The following SYNE2 variants were observed in gnomAD, a reference collection of about 807,000 sequenced individuals.
SYNE2 encodes nesprin-2.
A neutral mutation model predicts 856.3 loss-of-function variants in SYNE2; 431 were observed. That is an observed-to-expected ratio of 0.50 (90% CI 0.47 to 0.55). The LOEUF is 0.55. Among genes scored for constraint, SYNE2 ranks in the 20% least tolerant of loss-of-function variants. The pLI is 0.00. For missense variants in SYNE2, 8,129 were observed against 8,023.2 expected, an observed-to-expected ratio of 1.01 and a Z score of -0.50; for synonymous variants, 2,923 against 2,872.3, an observed-to-expected ratio of 1.02 and a Z score of -0.56.
At chr14:64,031,896 TCA>T (rs2097039277) in intron 45 of SYNE2, among the ~76,000 whole-genome samples, 1 of 152,230 alleles carries the variant, frequency 6.6e-6, no homozygotes, top group African/African-American at 2.4e-5. Context: ...CTGTGAACAA[TCA>T]CATGAGTACA....
rs1369309094 is a variant in SYNE2 at position 63,986,632 on chromosome 14, G to C, written c.2313+15G>C. ...AATCTTTGAAGGTATGTGTGTAAAA[G>C]TATTAAGAGGGTACTTTCATGGTTG... On this transcript the variant is annotated intron_variant, in intron 19 of 115. Coordinates refer to ENST00000555002, the MANE Select transcript of SYNE2 (RefSeq NM_182914.3). The C allele has an allele frequency of 6.2e-7, 1 of 1,613,214 alleles. No homozygotes were observed.
At chr14:63,908,541 C>A (rs757482203) in intron 1 of SYNE2, among the ~76,000 whole-genome samples, 18 of 152,070 alleles carry the variant, frequency 1.2e-4, no homozygotes, top group Non-Finnish European at 2.1e-4. Context: ...AAAAAATAAG[C>A]CTTTGGGAAA....
At chr14:63,800,863 G>C (rs1485945400) in intron 1 of SYNE2, among the ~76,000 whole-genome samples, 1 of 151,996 alleles carries the variant, frequency 6.6e-6, no homozygotes, top group Non-Finnish European at 1.5e-5. Flanking sequence ...TTGGGTACTG[G>C]GCTTAATACC....
chr14:64,153,576 C>G (rs1197479898), intron 85 of SYNE2, among the ~76,000 whole-genome samples: 1 of 152,120 alleles, frequency 6.6e-6, no homozygotes, highest in Admixed American at 6.5e-5. Flanking sequence ...CCTCATTCCC[C>G]CAGGAATGTA....
At position 64,170,348 on chromosome 14, in the gene SYNE2, T is replaced by C. The variant is rs976745544; in HGVS notation, c.17121T>C (p.Thr5707=). Residue 5707 remains threonine (T), a synonymous_variant, in exon 94 of 116, where the codon ACT becomes ACC. Transcript: ENST00000555002. Reference sequence around the variant, plus strand: ...TGAGGCAGTGGCAAGATTTCACTACTTCTGTGGAGAACTTGTTTCGCTTCC... The same window carrying C: ...TGAGGCAGTGGCAAGATTTCACTACCTCTGTGGAGAACTTGTTTCGCTTCC... ...GLVRQWQDFT[T]SVENLFRFLT... is the part of the protein sequence containing the mutation. The C allele has an allele frequency of 2.5e-6, 4 of 1,614,174 alleles. No homozygotes were observed. The highest frequency in any genetic ancestry group is 3.4e-6 in the Non-Finnish European group (4 of 1,180,026).
intron 1 of SYNE2, among the ~76,000 whole-genome samples, chr14:63,908,780 T>C (rs1255291705): frequency 6.6e-6 from 1 of 152,214 alleles, no homozygotes; most frequent in Non-Finnish European, 1.5e-5. Context: ...TGTGTCAACT[T>C]TCCTTCCTCT....
chr14:64,164,087 C>CTTATTTATTTATTTAT (rs59794233), intron 89 of SYNE2, among the ~76,000 whole-genome samples: 194 of 137,836 alleles, frequency 1.4e-3, no homozygotes, highest in South Asian at 3.9e-3. Flanking sequence ...GCCTGGCTTG[C>CTTATTTATTTATTTAT]TTATTTATTT....
At chr14:63,807,093 G>T (rs1393620631) in intron 1 of SYNE2, among the ~76,000 whole-genome samples, 1 of 152,012 alleles carries the variant, frequency 6.6e-6, no homozygotes, top group Non-Finnish European at 1.5e-5. Context: ...GGAGTCCAAG[G>T]TGGGCAATTG....
At position 64,132,306 on chromosome 14, in the gene SYNE2, A is replaced by G. The variant is rs751609864; in HGVS notation, c.14382A>G (p.Gln4794=). ...TTGTTGCTGACATGTTGTTGATCCA[A>G]GCATACTCTGCCAAAATACTTCCTT... is the stretch of plus-strand genomic sequence containing the variant. ...QKLVADMLLI[Q]AYSAKILPSL... Residue 4794 remains glutamine (Q), a synonymous_variant, in exon 77 of 116, where the codon CAA becomes CAG. Transcript: ENST00000555002. 2 of 1,614,080 alleles carry G rather than the reference A, an allele frequency of 1.2e-6. No individual in the cohort carries two copies. Among genetic ancestry groups the G allele is most frequent in the East Asian group, 2.2e-5 (1 of 44,882 alleles).
At chr14:63,911,943 A>G (rs370915855) in intron 2 of SYNE2, among the ~76,000 whole-genome samples, 1 of 152,174 alleles carries the variant, frequency 6.6e-6, no homozygotes, top group Admixed American at 6.6e-5. Context: ...CTGTTTTGCA[A>G]TGTAAATGTG....
chr14:63,985,132 C>A (rs995576817), intron 18 of SYNE2, among the ~76,000 whole-genome samples: 1 of 152,116 alleles, frequency 6.6e-6, no homozygotes, highest in Non-Finnish European at 1.5e-5. Flanking sequence ...GAGTTTGAGA[C>A]CAGCCTGGCC....
At chr14:64,093,775 G>C (rs891767186) in intron 61 of SYNE2, among the ~76,000 whole-genome samples, 2 of 152,178 alleles carry the variant, frequency 1.3e-5, no homozygotes, top group African/African-American at 4.8e-5. Context: ...AACTGAGCCA[G>C]GGCTGCCGCA....
chr14:64,013,670 G>A (rs923942999), intron 32 of SYNE2, among the ~76,000 whole-genome samples: 1 of 152,156 alleles, frequency 6.6e-6, no homozygotes, highest in Admixed American at 6.5e-5. Flanking sequence ...GCAGAGTTCT[G>A]AACCAGGAGA....
intron 11 of SYNE2, among the ~76,000 whole-genome samples, chr14:63,972,225 C>G (rs781513312): frequency 2.0e-5 from 3 of 152,100 alleles, no homozygotes; most frequent in Non-Finnish European, 4.4e-5. Flanking sequence ...CGTGACAGGT[C>G]CTCACAAAGT....
intron 1 of SYNE2, among the ~76,000 whole-genome samples, chr14:63,798,518 C>T (rs879497382): frequency 6.6e-6 from 1 of 151,612 alleles, no homozygotes; most frequent in Non-Finnish European, 1.5e-5. Flanking sequence ...CTCAGCCTCT[C>T]GAGTAGCTAG....
rs1567508415 is a variant in SYNE2 at position 64,162,170 on chromosome 14, C to T, written c.16193C>T (p.Ala5398Val). Residue 5398 changes from alanine to valine, a missense_variant, in exon 88 of 116, where the codon GCC (alanine) becomes GTC (valine). Physicochemically the swap from Ala to Val is moderately conservative, Grantham distance 64 (BLOSUM62 0). This residue lies in a region of SYNE2 where 5,410 missense variants were observed against 5,284.8 expected (regional missense o/e 1.02). Coordinates refer to ENST00000555002, the MANE Select transcript of SYNE2 (RefSeq NM_182914.3). ...TATAGCAATGCTCATGGTGAAGCTGCCGCAAGGCTGAAGCAGCAGGAAGCA... is the reference window on the plus strand; with the variant it reads ...TATAGCAATGCTCATGGTGAAGCTGTCGCAAGGCTGAAGCAGCAGGAAGCA... The part of the protein sequence containing the change: ...KAYSNAHGEA[A>V]ARLKQQEAKF... The T allele has an allele frequency of 6.2e-7, 1 of 1,614,190 alleles. No individual in the cohort carries two copies. The highest frequency in any genetic ancestry group is 8.5e-7 in the Non-Finnish European group (1 of 1,180,028).
chr14:64,138,230 T>C (rs2098112166), intron 79 of SYNE2, among the ~76,000 whole-genome samples: 1 of 150,856 alleles, frequency 6.6e-6, no homozygotes, highest in Non-Finnish European at 1.5e-5. Flanking sequence ...CTTTTCTTTT[T>C]TGTTTTTAAG....
Position 64,175,025 on chromosome 14 carries a change from G to T in SYNE2, c.17317G>T (p.Asp5773Tyr). The T allele has an allele frequency of 6.2e-7, 1 of 1,614,084 alleles. No homozygotes were observed. The highest frequency in any genetic ancestry group is 8.5e-7 in the Non-Finnish European group (1 of 1,180,024). The change falls in exon 95 of 116, where the codon GAC (aspartate) becomes TAC (tyrosine). Residue 5773 changes from aspartate to tyrosine, a missense_variant. By Grantham distance (160) the Asp-to-Tyr change is radical. Coordinates refer to ENST00000555002, the MANE Select transcript of SYNE2 (RefSeq NM_182914.3). ...TGGAGAAAAGTTACTGCTCACAACTGACCTGAAAACTAAAGAGTCTGTGGG... is the reference window on the plus strand; with the variant it reads ...TGGAGAAAAGTTACTGCTCACAACTTACCTGAAAACTAAAGAGTCTGTGGG... ...EAGEKLLLTT[D>Y]LKTKESVGRR...
chr14:63,806,019 T>G (rs1004598927), intron 1 of SYNE2, among the ~76,000 whole-genome samples: 7 of 152,178 alleles, frequency 4.6e-5, no homozygotes, highest in Non-Finnish European at 1.0e-4. Flanking sequence ...AGTACTATGC[T>G]GAATAGGATG....
Sources: gnomAD v4.1 joint callset for allele counts (sites outside exome capture counted in the v4.1 genomes callset) on GRCh38, gnomAD v4.1.1 for gene constraint, gnomAD v4.1.1 regional missense constraint, MANE v1.5 for transcripts, NCBI Gene and HGNC (gene_info 2026-07-23, HGNC 2026-07-21) for gene names.